ESRP1: variants seen among roughly 807,000 people sequenced by gnomAD.
The protein encoded by ESRP1 is RNA-binding motif protein 35A.
ESRP1 carries 33 observed loss-of-function variants against 81.7 expected under a neutral mutation model. The observed-to-expected ratio is 0.40, with a 90% CI of 0.31 to 0.54. ESRP1 has a LOEUF of 0.54. ESRP1 is among the 20% of genes least tolerant of loss of function. ESRP1 has a pLI of 0.41. For synonymous variants in ESRP1, 320 were observed against 303.3 expected, an observed-to-expected ratio of 1.06 and a Z score of -0.57; for missense variants, 672 against 833.1, an observed-to-expected ratio of 0.81 and a Z score of 2.38.
At chr8:94,695,371 T>TTTCC (rs1351009238) in intron 14 of ESRP1, among the ~76,000 whole-genome samples, 7 of 111,998 alleles carry the variant, frequency 6.3e-5, no homozygotes, top group Admixed American at 3.3e-4. Context: ...TTTTTTTTTT[T>TTTCC]TGAGACGGAG....
At chr8:94,662,633 A>T (rs1818807892) in intron 6 of ESRP1, 78 bp downstream of exon 6, 38 of 1,277,356 alleles carry the variant, frequency 3.0e-5, no homozygotes, top group Admixed American at 7.2e-5. Context: ...TTTGAGACAG[A>T]GTCTTGCTCT....
At position 94,642,473 on chromosome 8, in the gene ESRP1, C is replaced by A. The variant is rs372258234; in HGVS notation, c.261+389C>A. ...GGGCCCACAGCCTTCGGGCAGGGGGCGCTGTGGCGTAGACGTGCAGGTGGG... is the reference window on the plus strand; with the variant it reads ...GGGCCCACAGCCTTCGGGCAGGGGGAGCTGTGGCGTAGACGTGCAGGTGGG... On this transcript the variant is annotated intron_variant, in intron 2 of 15. Transcript: ENST00000433389. Among the ~76,000 whole-genome samples the A allele has an allele frequency of 1.4e-4, 21 of 152,324 alleles. 2 individuals are homozygous for A. Among genetic ancestry groups the A allele is most frequent in the East Asian group, 1.2e-3 (6 of 5,174 alleles).
intron 4 of ESRP1, among the ~76,000 whole-genome samples, chr8:94,659,203 A>G (rs1013555840): frequency 2.0e-5 from 3 of 152,182 alleles, no homozygotes; most frequent in African/African-American, 7.2e-5. Context: ...TTTAAAAAAA[A>G]AGAAAATGGA....
At position 94,641,342 on chromosome 8, in the gene ESRP1, G is replaced by T; in HGVS notation, c.24G>T (p.Leu8Phe). ...TCATGACGGCCTCTCCGGATTACTT[G>T]GTGGTGCTTTTTGGGATCACTGCTG... MTASPDY[L>F]VVLFGITAGA... Residue 8 changes from leucine (L) to phenylalanine (F), a missense_variant, in exon 1 of 16, where the codon TTG (leucine) becomes TTT (phenylalanine). Physicochemically the swap from Leu to Phe is conservative, Grantham distance 22 (BLOSUM62 0). Coordinates refer to ENST00000433389, the MANE Select transcript of ESRP1 (RefSeq NM_017697.4). 1 of 1,613,180 alleles carries T rather than the reference G, an allele frequency of 6.2e-7. No individual in the cohort carries two copies. The highest frequency in any genetic ancestry group is 8.5e-7 in the Non-Finnish European group (1 of 1,179,540).
chr8:94,673,969 A>G (rs574797278), intron 11 of ESRP1, among the ~76,000 whole-genome samples: 1 of 152,310 alleles, frequency 6.6e-6, no homozygotes, highest in South Asian at 2.1e-4. Context: ...CGAATTTTTC[A>G]GAAGAGAAAA....
intron 4 of ESRP1, among the ~76,000 whole-genome samples, chr8:94,656,443 G>A (rs961077699): frequency 2.6e-5 from 4 of 151,248 alleles, no homozygotes; most frequent in African/African-American, 9.7e-5. Context: ...GGATGGTCTC[G>A]ATCTCCTGAC....
chr8:94,696,724 GT>G (rs1312777791), intron 14 of ESRP1, 127 bp from the exon 15 acceptor site: 2 of 670,958 alleles, frequency 3.0e-6, no homozygotes, highest in Non-Finnish European at 5.0e-6. Context: ...TATATGGCTT[GT>G]ACCTGTGTTT....
intron 14 of ESRP1, among the ~76,000 whole-genome samples, chr8:94,696,533 T>A (rs1809611931): frequency 6.6e-6 from 1 of 152,242 alleles, no homozygotes; most frequent in Non-Finnish European, 1.5e-5. Context: ...TATGTAATCA[T>A]ACTTGCAGTA....
chr8:94,705,326 C>A (rs1178596449), intron 15 of ESRP1, among the ~76,000 whole-genome samples: 1 of 151,982 alleles, frequency 6.6e-6, no homozygotes, highest in African/African-American at 2.4e-5. Flanking sequence ...CACCACTACG[C>A]CCAGCTAATT....
Position 94,667,251 on chromosome 8 carries a change from C to T in ESRP1, c.932-698C>T, listed in dbSNP as rs12674495. ...AACAAAAAAGAAGCAAAAAGAAGAA[C>T]GTGCTATTAGGGAAAATGTTACTAG... On this transcript the variant is annotated intron_variant, in intron 9 of 15. Coordinates refer to ENST00000433389, the MANE Select transcript of ESRP1 (RefSeq NM_017697.4). Among the ~76,000 whole-genome samples, 2,381 of 151,134 alleles carry T rather than the reference C, an allele frequency of 0.016. 292 individuals carry two copies. The East Asian group carries it at 0.33, about 21-fold the overall frequency.
intron 14 of ESRP1, among the ~76,000 whole-genome samples, chr8:94,694,423 A>C (rs1010311262): frequency 6.6e-6 from 1 of 152,144 alleles, no homozygotes; most frequent in Non-Finnish European, 1.5e-5. Context: ...CCTGACCAAC[A>C]TGAAACCCCG....
At chr8:94,683,372 G>A (rs114878615) in intron 13 of ESRP1, among the ~76,000 whole-genome samples, 150 of 152,254 alleles carry the variant, frequency 9.9e-4, no homozygotes, top group African/African-American at 3.3e-3. Context: ...TCTGAGAGAG[G>A]CTTACATTTC....
In ESRP1 at chr8:94,693,298, A is replaced by G. The variant is rs77654070; in HGVS notation, c.1971+471A>G. The stretch of plus-strand genomic sequence containing the variant: ...AAATTGCCTAACTCCTAGGACACTC[A>G]TGAGTCTTTAGGTGGTAACACCTTA... On this transcript the variant is annotated intron_variant, in intron 14 of 15. Transcript: ENST00000433389. 3.0e-3 allele frequency among the ~76,000 whole-genome samples: 458 copies of G among 152,218 alleles called. 3 individuals are homozygous for G. Among genetic ancestry groups the G allele is most frequent in the Non-Finnish European group, 5.1e-3 (345 of 68,014 alleles).
chr8:94,672,563 C>G (rs1054376776), intron 11 of ESRP1, among the ~76,000 whole-genome samples: 3 of 151,200 alleles, frequency 2.0e-5, no homozygotes, highest in African/African-American at 7.3e-5. Context: ...GACAGAGTCT[C>G]ACTCTGTCGT....
At chr8:94,676,800 G>C (rs1476038497) in intron 12 of ESRP1, among the ~76,000 whole-genome samples, 2 of 151,656 alleles carry the variant, frequency 1.3e-5, no homozygotes, top group African/African-American at 4.8e-5. Context: ...ACCCAGCCAT[G>C]TGTGTTTGTC....
intron 15 of ESRP1, among the ~76,000 whole-genome samples, chr8:94,699,884 T>C (rs1217106299): frequency 7.4e-6 from 1 of 135,094 alleles, no homozygotes; most frequent in East Asian, 2.0e-4. Flanking sequence ...TCTTTCCCCT[T>C]AACCTTGCAT....
At position 94,668,789 on chromosome 8, in the gene ESRP1, A is replaced by ATGTGTGTGTGTGTGTGTGTGTGTGTGTG. The variant is rs71303426; in HGVS notation, c.1233+558_1233+559insGTGTGTGTGTGTGTGTGTGTGTGTGTGT. ...CTGTCCTGTTTTACTAGCTTTCAGC[A>ATGTGTGTGTGTGTGTGTGTGTGTGTGTG]TGTGTGTGTGTGTGTGTGTTTGAGA... On this transcript the variant is annotated intron_variant, in intron 10 of 15. Coordinates refer to ENST00000433389, the MANE Select transcript of ESRP1 (RefSeq NM_017697.4). Among the ~76,000 whole-genome samples the ATGTGTGTGTGTGTGTGTGTGTGTGTGTG allele has an allele frequency of 4.7e-3, 675 of 143,854 alleles. 18 individuals carry two copies. The highest frequency in any genetic ancestry group is 0.015 in the African/African-American group (569 of 37,078). The allele number at this position is 143,854 out of a possible 152,430, so 94.4% of individuals were successfully genotyped here.
At chr8:94,656,114 TA>T (rs1445365448) in intron 4 of ESRP1, 1 of 146,570 alleles carries the variant, frequency 6.8e-6, no homozygotes, top group African/African-American at 2.6e-5. Context: ...CAGAGCAGGT[TA>T]AAACTCATGC....
intron 10 of ESRP1, among the ~76,000 whole-genome samples, chr8:94,669,640 C>A (rs567930361): frequency 6.6e-6 from 1 of 151,874 alleles, no homozygotes; most frequent in Non-Finnish European, 1.5e-5. Context: ...CCAAGGCGAG[C>A]GGATTGCCTG....
Sources: allele counts gnomAD v4.1 joint callset (sites outside exome capture counted in the v4.1 genomes callset), GRCh38; gene constraint gnomAD v4.1.1; transcripts MANE v1.5; gene names NCBI Gene and HGNC (gene_info 2026-07-23, HGNC 2026-07-21).